SH3GLB1: variants seen among roughly 807,000 people sequenced by gnomAD.
The protein encoded by SH3GLB1 is SH3 domain containing GRB2 like, endophilin B1, also known as endophilin-B1.
A neutral mutation model predicts 42.0 loss-of-function variants in SH3GLB1; 17 were observed. The observed-to-expected ratio is 0.40, with a 90% CI of 0.28 to 0.61. The LOEUF is 0.61. Ranked by LOEUF, SH3GLB1 falls within the 20% of genes least tolerant of loss-of-function variation. The pLI, the probability that SH3GLB1 is intolerant of heterozygous loss-of-function variation, is 0.36. For synonymous variants in SH3GLB1, 132 were observed against 146.6 expected (o/e 0.90, Z 0.72); for missense variants, 355 against 426.3 (o/e 0.83, Z 1.47).
At chr1:86,743,000 C>T in intron 8 of SH3GLB1, 128 bp from the exon 9 acceptor site, 1 of 724,636 alleles carries the variant, frequency 1.4e-6, no homozygotes, top group Non-Finnish European at 2.3e-6. Flanking sequence ...TGTTTTTCAG[C>T]ACAATTGATA....
At chr1:86,732,024 G>A (rs1005068075) in intron 5 of SH3GLB1, among the ~76,000 whole-genome samples, 6 of 152,052 alleles carry the variant, frequency 3.9e-5, no homozygotes, top group South Asian at 2.1e-4. Flanking sequence ...AGGATCAGCC[G>A]TTGCACTCCA....
chr1:86,717,973 A>G (rs1327836880), intron 2 of SH3GLB1, among the ~76,000 whole-genome samples: 1 of 152,056 alleles, frequency 6.6e-6, no homozygotes, highest in Non-Finnish European at 1.5e-5. Flanking sequence ...ATAAGATTCC[A>G]TTTTAAACTT....
chr1:86,734,958 G>A, intron 6 of SH3GLB1, 121 bp from the exon 7 acceptor site: 1 of 729,990 alleles, frequency 1.4e-6, no homozygotes, highest in South Asian at 1.7e-5. Context: ...AATAAGCCTT[G>A]TAGTAAAATG....
chr1:86,727,878 CAAT>C (rs918624621), intron 5 of SH3GLB1, among the ~76,000 whole-genome samples: 19 of 152,070 alleles, frequency 1.2e-4, no homozygotes, highest in Admixed American at 1.0e-3. Context: ...TCTGTAAACT[CAAT>C]AAATTTAGAG....
In SH3GLB1 at chr1:86,742,336, A is replaced by T; in HGVS notation, c.890A>T (p.Asn297Ile). 1 of 1,613,970 alleles carries T rather than the reference A, an allele frequency of 6.2e-7. No individual in the cohort carries two copies. Among genetic ancestry groups the T allele is most frequent in the Non-Finnish European group, 8.5e-7 (1 of 1,179,974 alleles). The change falls in exon 8 of 9, where the codon AAC becomes ATC. Residue 297 changes from asparagine to isoleucine, a missense_variant. Transcript: ENST00000370558. ...GGCCTAGTAATCACCTCTCCTTCCAACCTCAGTGACCTTAAGGAGTGTAGT... is the reference window on the plus strand; with the variant it reads ...GGCCTAGTAATCACCTCTCCTTCCATCCTCAGTGACCTTAAGGAGTGTAGT... ...TSGLVITSPSNLSDLKECSGS... is the reference protein window; with the variant it reads ...TSGLVITSPSILSDLKECSGS...
intron 5 of SH3GLB1, among the ~76,000 whole-genome samples, chr1:86,724,892 A>AAAAATATAT (rs1291454820): frequency 1.6e-3 from 160 of 99,664 alleles, no homozygotes; most frequent in Non-Finnish European, 2.4e-3. Flanking sequence ...AAAAAAAAAA[A>AAAAATATAT]ATATATATAT....
At chr1:86,734,403 T>G in intron 5 of SH3GLB1, 199 bp from the exon 6 acceptor site, 1 of 501,280 alleles carries the variant, frequency 2.0e-6, no homozygotes, top group Non-Finnish European at 3.6e-6. Context: ...AGTACTGGAA[T>G]CAGTTGTCCA....
At chr1:86,736,698 C>T (rs554375067) in intron 7 of SH3GLB1, among the ~76,000 whole-genome samples, 1 of 152,276 alleles carries the variant, frequency 6.6e-6, no homozygotes, top group Middle Eastern at 3.4e-3. Context: ...GTTATTACTG[C>T]TCTTTGAGAT....
chr1:86,730,351 T>C (rs1421831438), intron 5 of SH3GLB1: 5 of 985,404 alleles, frequency 5.1e-6, no homozygotes, highest in Non-Finnish European at 6.0e-6. Flanking sequence ...ATACCTGTTA[T>C]ACTAAGTGGT....
rs184011272 is a variant in SH3GLB1, at chr1:86,746,970, A to G, written c.*3735A>G. The G allele has an allele frequency of 6.6e-6, 1 of 152,590 alleles. No homozygotes were observed. The highest frequency in any genetic ancestry group is 6.5e-5 in the Admixed American group (1 of 15,300). 9.5% of individuals were successfully genotyped at this position (152,590 alleles called of 1,614,324 possible). ...TCCTGGAGACTTGTTTAAAATGCTG[A>G]TTACTATTTTCAAGAACTTTCTACC... is the stretch of plus-strand genomic sequence containing the variant. On this transcript the variant is annotated 3_prime_UTR_variant, in exon 9 of 9. Transcript: ENST00000370558.
At chr1:86,733,171 T>C (rs1423478217) in intron 5 of SH3GLB1, among the ~76,000 whole-genome samples, 1 of 152,136 alleles carries the variant, frequency 6.6e-6, no homozygotes, top group Non-Finnish European at 1.5e-5. Flanking sequence ...CAAAACACCA[T>C]GGGTTCTGGT....
chr1:86,734,043 A>G (rs944590694), intron 5 of SH3GLB1, among the ~76,000 whole-genome samples: 1 of 152,164 alleles, frequency 6.6e-6, no homozygotes, highest in Non-Finnish European at 1.5e-5. Flanking sequence ...AAGACATTTA[A>G]AATGTAGGAC....
In SH3GLB1 at chr1:86,744,968, C is replaced by T. The variant is rs1028835768; in HGVS notation, c.*1733C>T. The T allele has an allele frequency of 6.6e-6, 1 of 152,204 alleles. No individual in the cohort carries two copies. Among genetic ancestry groups the T allele is most frequent in the Non-Finnish European group, 1.5e-5 (1 of 68,028 alleles). The allele number at this position is 152,204 out of a possible 1,614,324, so 9.4% of individuals were successfully genotyped here. A position where few individuals can be genotyped will look rare whatever the true frequency, so the allele number is the denominator to read the frequency against. ...TAAAACCAAGTAAATGAAATTTTCT[C>T]TCCCCTCAGAAAGGAAGTTCTACAG... On this transcript the variant is annotated 3_prime_UTR_variant, in exon 9 of 9. Coordinates refer to ENST00000370558, the MANE Select transcript of SH3GLB1 (RefSeq NM_016009.5).
chr1:86,733,068 T>G (rs936138330), intron 5 of SH3GLB1, among the ~76,000 whole-genome samples: 1 of 152,152 alleles, frequency 6.6e-6, no homozygotes, highest in African/African-American at 2.4e-5. Context: ...TCCTTAGTGC[T>G]CTCCTTAGGA....
chr1:86,709,075 A>G (rs2101910903), intron 1 of SH3GLB1, among the ~76,000 whole-genome samples: 1 of 152,356 alleles, frequency 6.6e-6, no homozygotes, highest in South Asian at 2.1e-4. Flanking sequence ...TTCTTAGACC[A>G]CAAGAGCTTG....
chr1:86,739,970 C>T (rs532346303), intron 7 of SH3GLB1, among the ~76,000 whole-genome samples: 11 of 152,074 alleles, frequency 7.2e-5, no homozygotes, highest in African/African-American at 2.4e-4. Context: ...TATGGTGAAA[C>T]GCTGTCTCTA....
rs1213433481 is a variant in SH3GLB1 at position 86,743,832 on chromosome 1, A to C, written c.*597A>C. On this transcript the variant is annotated 3_prime_UTR_variant, in exon 9 of 9. Transcript: ENST00000370558. ...TTCAGAGTTGTTTGGTTTTTTAAAC[A>C]CTACTGAATGGTTTCTTTTAAATTT... 2 of 152,620 alleles carry C rather than the reference A, an allele frequency of 1.3e-5. No homozygotes were observed. Among genetic ancestry groups the C allele is most frequent in the African/African-American group, 2.4e-5 (1 of 41,452 alleles). The allele number at this position is 152,620 out of a possible 1,614,324, so 9.5% of individuals were successfully genotyped here. A position where few individuals can be genotyped will look rare whatever the true frequency, so the allele number is the denominator to read the frequency against.
rs1656158167 is a variant in SH3GLB1 at position 86,743,410 on chromosome 1, T to A, written c.*175T>A. Reference sequence around the variant, plus strand: ...GCATGGTAAATATTTCATTACAGAATTTATGTTAGAGCTTTCATGCCAAGA... The same window carrying A: ...GCATGGTAAATATTTCATTACAGAAATTATGTTAGAGCTTTCATGCCAAGA... On this transcript the variant is annotated 3_prime_UTR_variant, in exon 9 of 9. Transcript: ENST00000370558. 1.3e-5 allele frequency: 5 copies of A among 393,682 alleles called. No homozygotes were observed. 24.4% of individuals were successfully genotyped at this position (393,682 alleles called of 1,614,324 possible). A position where few individuals can be genotyped will look rare whatever the true frequency, so the allele number is the denominator to read the frequency against.
At position 86,715,993 on chromosome 1, in the gene SH3GLB1, T is replaced by C. The variant is rs901081829; in HGVS notation, c.214+128T>C. On this transcript the variant is annotated intron_variant, in intron 2 of 8. Coordinates refer to ENST00000370558, the MANE Select transcript of SH3GLB1 (RefSeq NM_016009.5). ...TTGTAGCTTCAAGGTCAGTGGGTTTTTTTGTGTGTGCTTTTGTGAAGAGGA... is the reference window on the plus strand; with the variant it reads ...TTGTAGCTTCAAGGTCAGTGGGTTTCTTTGTGTGTGCTTTTGTGAAGAGGA... The C allele has an allele frequency of 8.8e-6, 8 of 913,032 alleles. No homozygotes were observed. In the African/African-American group the frequency reaches 1.4e-4, roughly 16 times the overall value. The allele number at this position is 913,032 out of a possible 1,614,324, so 56.6% of individuals were successfully genotyped here.
Sources: allele counts gnomAD v4.1 joint callset (sites outside exome capture counted in the v4.1 genomes callset), GRCh38; gene constraint gnomAD v4.1.1; transcripts MANE v1.5; gene names NCBI Gene and HGNC (gene_info 2026-07-23, HGNC 2026-07-21).